KIAA1217: variants seen among roughly 807,000 people sequenced by gnomAD.
KIAA1217 encodes the protein KIAA1217, also known as sickle tail protein homolog.
KIAA1217 carries 88 observed loss-of-function variants against 163.9 expected under a neutral mutation model. That is an observed-to-expected ratio of 0.54 (90% CI 0.45 to 0.64). KIAA1217 has a LOEUF of 0.64. Among genes scored for constraint, KIAA1217 ranks in the 30% least tolerant of loss-of-function variants. KIAA1217 has a pLI of 0.00. For missense variants in KIAA1217, 2,372 were observed against 2,475.0 expected, an observed-to-expected ratio of 0.96 and a Z score of 0.88; for synonymous variants, 903 against 923.1, an observed-to-expected ratio of 0.98 and a Z score of 0.39.
At chr10:23,879,730 A>G (rs1840865580) in intron 1 of KIAA1217, among the ~76,000 whole-genome samples, 1 of 151,946 alleles carries the variant, frequency 6.6e-6, no homozygotes, top group Non-Finnish European at 1.5e-5. Flanking sequence ...TAGCTAAAGT[A>G]GGAGGTGGGG....
intron 1 of KIAA1217, among the ~76,000 whole-genome samples, chr10:23,729,502 G>A (rs1320209891): frequency 2.6e-5 from 4 of 152,126 alleles, no homozygotes; most frequent in Admixed American, 2.0e-4. Flanking sequence ...TAATAGGTAT[G>A]TACTAGTATC....
chr10:23,956,737 G>A (rs1035254199), intron 1 of KIAA1217, among the ~76,000 whole-genome samples: 1 of 152,114 alleles, frequency 6.6e-6, no homozygotes, highest in Non-Finnish European at 1.5e-5. Context: ...GAAGGCAAAG[G>A]GAGCCAGTGT....
At chr10:23,913,415 CA>C (rs57060774) in intron 1 of KIAA1217, among the ~76,000 whole-genome samples, 54,955 of 146,406 alleles carry the variant, frequency 0.38, 10,986 homozygotes, top group African/African-American at 0.54. Flanking sequence ...TTTTCTGTTC[CA>C]AAAAAAAAAA....
At position 24,287,843 on chromosome 10, in the gene KIAA1217, T is replaced by C. The variant is rs80175587; in HGVS notation, c.354+67934T>C. ...CTGATGAAATAAAACCATAACTCGA[T>C]TCATCAAACTGTTTAGAATTCAAAT... On this transcript the variant is annotated intron_variant, in intron 2 of 20. Transcript: ENST00000376454. Among the ~76,000 whole-genome samples the C allele has an allele frequency of 5.3e-3, 813 of 152,326 alleles. 29 individuals carry two copies. In the East Asian group the frequency reaches 0.096, roughly 18 times the overall value.
At chr10:23,785,361 A>G (rs928753855) in intron 1 of KIAA1217, among the ~76,000 whole-genome samples, 44 of 152,096 alleles carry the variant, frequency 2.9e-4, no homozygotes, top group African/African-American at 1.0e-3. Context: ...AGAATCAGGT[A>G]CCCCCTTACC....
chr10:24,206,386 C>A (rs2067555574), upstream of KIAA1217, among the ~76,000 whole-genome samples: 1 of 152,192 alleles, frequency 6.6e-6, no homozygotes, highest in South Asian at 2.1e-4. Flanking sequence ...TCCACAGTAA[C>A]AGCAGTGACA....
chr10:24,374,371 A>G (rs2052153301), intron 2 of KIAA1217, among the ~76,000 whole-genome samples: 1 of 152,206 alleles, frequency 6.6e-6, no homozygotes, highest in Admixed American at 6.5e-5. Flanking sequence ...TCCAGCATCC[A>G]GATGTCCACT....
chr10:24,463,399 A>G (rs16924788), intron 5 of KIAA1217, among the ~76,000 whole-genome samples: 11,808 of 152,250 alleles, frequency 0.078, 643 homozygotes, highest in East Asian at 0.18. Flanking sequence ...TGACTGGACC[A>G]TCTCTTTCCT....
chr10:23,698,170 G>A (rs752312804), intron 1 of KIAA1217, among the ~76,000 whole-genome samples: 6 of 152,136 alleles, frequency 3.9e-5, no homozygotes, highest in Non-Finnish European at 7.3e-5. Flanking sequence ...TTTGTATTCT[G>A]TAGTTAATGT....
chr10:23,965,933 G>A (rs1589153703), intron 1 of KIAA1217, among the ~76,000 whole-genome samples: 1 of 152,194 alleles, frequency 6.6e-6, no homozygotes, highest in African/African-American at 2.4e-5. Context: ...AACAGACACT[G>A]ATTTAATGGC....
chr10:24,065,145 A>T (rs905653171), intron 2 of KIAA1217, among the ~76,000 whole-genome samples: 9 of 152,012 alleles, frequency 5.9e-5, no homozygotes, highest in African/African-American at 1.9e-4. Context: ...TATTTCCTTC[A>T]GTTCCGCTCT....
intron 2 of KIAA1217, among the ~76,000 whole-genome samples, chr10:24,261,499 C>CAAA (rs574514121): frequency 5.3e-5 from 7 of 131,930 alleles, no homozygotes; most frequent in Non-Finnish European, 6.5e-5. Context: ...CTGTCTCAGA[C>CAAA]AAAAAAAAAA....
chr10:23,704,172 G>GTGTGTATATATATATATATATATA (rs1229370789), intron 1 of KIAA1217, among the ~76,000 whole-genome samples: 1 of 39,926 alleles, frequency 2.5e-5, no homozygotes, highest in Non-Finnish European at 4.1e-5. Context: ...GTGTGTGTGT[G>GTGTGTATATATATATATATATATA]TATATATATA....
intron 2 of KIAA1217, among the ~76,000 whole-genome samples, chr10:24,203,579 T>C (rs1386626427): frequency 7.3e-6 from 1 of 136,744 alleles, no homozygotes; most frequent in Non-Finnish European, 1.5e-5. Context: ...CCTCCACAGG[T>C]CACTGCAGCT....
chr10:24,162,377 G>A (rs1364814038), intron 2 of KIAA1217, among the ~76,000 whole-genome samples: 1 of 152,218 alleles, frequency 6.6e-6, no homozygotes, highest in Admixed American at 6.5e-5. Flanking sequence ...GTTGAGCACA[G>A]GCTAACAGCC....
At chr10:24,033,934 C>A (rs10828590) in intron 2 of KIAA1217, among the ~76,000 whole-genome samples, 4 of 152,084 alleles carry the variant, frequency 2.6e-5, no homozygotes, top group Admixed American at 6.5e-5. Flanking sequence ...TGTTTGGCTC[C>A]TTACAGAAAA....
intron 2 of KIAA1217, among the ~76,000 whole-genome samples, chr10:24,127,565 T>C (rs949164219): frequency 6.6e-6 from 1 of 152,162 alleles, no homozygotes; most frequent in African/African-American, 2.4e-5. Flanking sequence ...TGTAATCAAA[T>C]TCTGAGTATC....
At chr10:24,448,253 G>C (rs76276822) in intron 5 of KIAA1217, among the ~76,000 whole-genome samples, 2 of 151,922 alleles carry the variant, frequency 1.3e-5, no homozygotes, top group African/African-American at 2.4e-5. Context: ...GCGTGGGGGG[G>C]GCTGGAGTTT....
intron 2 of KIAA1217, among the ~76,000 whole-genome samples, chr10:24,136,516 A>G (rs1170668294): frequency 6.7e-6 from 1 of 150,214 alleles, no homozygotes; most frequent in Non-Finnish European, 1.5e-5. Context: ...ACTTTAAAAG[A>G]GAGAGAGAGA....
Sources: gnomAD v4.1 joint callset for allele counts (sites outside exome capture counted in the v4.1 genomes callset) on GRCh38, gnomAD v4.1.1 for gene constraint, MANE v1.5 for transcripts, NCBI Gene and HGNC (gene_info 2026-07-23, HGNC 2026-07-21) for gene names.